The following POTEC variants were observed in gnomAD, a reference collection of about 807,000 sequenced individuals.
POTEC encodes ANKRD26-like family B member 2.
Under a neutral mutation model 62.0 loss-of-function variants are expected in POTEC, and 35 were observed. The ratio of observed to expected loss-of-function variants is 0.56; its 90% CI spans 0.43 to 0.75. The LOEUF is 0.75. POTEC is among the 30% of genes least tolerant of loss of function. The pLI, the probability that POTEC is intolerant of heterozygous loss-of-function variation, is 0.00. For missense variants in POTEC, 472 were observed against 655.9 expected (o/e 0.72, Z 3.06); for synonymous variants, 156 against 221.5 (o/e 0.70, Z 2.62).
intron 7 of POTEC, 123 bp downstream of exon 7, chr18:14,524,790 A>G (rs1910394380): frequency 2.0e-6 from 2 of 1,004,454 alleles, no homozygotes; most frequent in Non-Finnish European, 2.7e-6. Flanking sequence ...AAAAATTCTT[A>G]AAAAAAGAAT....
At position 14,543,398 on chromosome 18, in the gene POTEC, C is replaced by T. The variant is rs372429458; in HGVS notation, c.-252G>A. 3.2e-6 allele frequency: 2 copies of T among 630,242 alleles called. No homozygotes were observed. Among genetic ancestry groups the T allele is most frequent in the South Asian group, 2.0e-5 (1 of 49,066 alleles). 39.0% of individuals were successfully genotyped at this position (630,242 alleles called of 1,614,324 possible). ...CCAGGAAAGGCCAAGCCCCCCCTCC[C>T]AAGGAAACACCCAGCCCAGTCAAGG... On this transcript the variant is annotated 5_prime_UTR_variant, in exon 1 of 11. Transcript: ENST00000358970.
intron 1 of POTEC, among the ~76,000 whole-genome samples, chr18:14,541,358 T>C (rs1322814163): frequency 1.3e-5 from 2 of 152,298 alleles, no homozygotes; most frequent in East Asian, 1.9e-4. Context: ...TATATCTGCA[T>C]ATATATGCCG....
chr18:14,524,203 G>C (rs1391430309), intron 7 of POTEC, among the ~76,000 whole-genome samples: 1 of 152,090 alleles, frequency 6.6e-6, no homozygotes, highest in African/African-American at 2.4e-5. Context: ...ACTAAAATAA[G>C]GTAGAAGGTT....
chr18:14,526,951 T>C (rs940229503), intron 6 of POTEC, among the ~76,000 whole-genome samples: 2 of 152,110 alleles, frequency 1.3e-5, no homozygotes, highest in Non-Finnish European at 2.9e-5. Context: ...ACGTAGCAAA[T>C]TCTTAATAAT....
At chr18:14,530,099 A>G (rs967751825) in intron 6 of POTEC, among the ~76,000 whole-genome samples, 25 of 151,914 alleles carry the variant, frequency 1.6e-4, no homozygotes, top group African/African-American at 2.9e-4. Flanking sequence ...GATCAGTGAT[A>G]GCACTAGATA....
chr18:14,543,402 G>C lies in POTEC; in HGVS notation c.-256C>G, dbSNP rs982697787. ...GAAAGGCCAAGCCCCCCCTCCCAAG[G>C]AAACACCCAGCCCAGTCAAGGGAAT... On this transcript the variant is annotated 5_prime_UTR_variant, in exon 1 of 11. Transcript: ENST00000358970. 4.0e-5 allele frequency: 25 copies of C among 623,658 alleles called. No individual in the cohort carries two copies. Among genetic ancestry groups the C allele is most frequent in the Non-Finnish European group, 6.5e-5 (23 of 355,208 alleles). The allele number at this position is 623,658 out of a possible 1,614,324, so 38.6% of individuals were successfully genotyped here.
intron 5 of POTEC, 131 bp from the exon 6 acceptor site, chr18:14,530,684 A>G: frequency 5.5e-6 from 5 of 908,930 alleles, no homozygotes; most frequent in Non-Finnish European, 7.8e-6. Context: ...TATCCCATAC[A>G]CTTATGAGTA....
intron 3 of POTEC, among the ~76,000 whole-genome samples, chr18:14,537,055 T>G (rs1163609609): frequency 6.6e-6 from 1 of 150,876 alleles, no homozygotes. Context: ...TCCTAAAATT[T>G]ATCTCTAGGC....
chr18:14,542,881 G>T lies in POTEC; in HGVS notation c.266C>A (p.Ser89Tyr). 1 of 1,301,466 alleles carries T rather than the reference G, an allele frequency of 7.7e-7. No homozygotes were observed. The allele number at this position is 1,301,466 out of a possible 1,614,324, so 80.6% of individuals were successfully genotyped here. The change falls in exon 1 of 11, where the codon TCC (serine) becomes TAC (tyrosine). Residue 89 changes from serine (S) to tyrosine (Y), a missense_variant. Ser to Tyr is a moderately radical substitution (Grantham distance 144). This residue lies in a region of POTEC where 257 missense variants were observed against 250.7 expected (regional missense o/e 1.03). Transcript: ENST00000358970. Reference sequence around the variant, plus strand: ...CTTGCTCCTGAGCGTCTTCATAAAGGAGTTGTCATGGTCTCCAGAAGTGCC... The same window carrying T: ...CTTGCTCCTGAGCGTCTTCATAAAGTAGTTGTCATGGTCTCCAGAAGTGCC... ...NVGTSGDHDN[S>Y]FMKTLRSKMG...
At position 14,507,608 on chromosome 18, in the gene POTEC, G is replaced by C. The variant is rs1304463595; in HGVS notation, c.*4290C>G. 6.6e-6 allele frequency: 1 copy of C among 152,096 alleles called. No individual in the cohort carries two copies. The highest frequency in any genetic ancestry group is 2.4e-5 in the African/African-American group (1 of 41,388). 9.4% of individuals were successfully genotyped at this position (152,096 alleles called of 1,614,324 possible). A position where few individuals can be genotyped will look rare whatever the true frequency, so the allele number is the denominator to read the frequency against. On this transcript the variant is annotated 3_prime_UTR_variant, in exon 11 of 11. Coordinates refer to ENST00000358970, the MANE Select transcript of POTEC (RefSeq NM_001137671.2). ...GGTTAGTAATGGTATGTGTGGATTT[G>C]ATCCTGTCATCATGCTGTCAGCTGG...
Position 14,513,570 on chromosome 18 carries a change from T to G in POTEC, c.1533+92A>C, listed in dbSNP as rs1362630406. ...ACACACACACACACGTGTGTATATA[T>G]GTGATTTAAAAATCCTTTATACCTT... is the stretch of plus-strand genomic sequence containing the variant. On this transcript the variant is annotated intron_variant, in intron 10 of 10. Transcript: ENST00000358970. 4.7e-6 allele frequency: 7 copies of G among 1,504,466 alleles called. No homozygotes were observed. In the South Asian group the frequency reaches 9.1e-5, roughly 20 times the overall value. 93.2% of individuals were successfully genotyped at this position (1,504,466 alleles called of 1,614,324 possible).
intron 9 of POTEC, among the ~76,000 whole-genome samples, chr18:14,520,715 C>T (rs2143124399): frequency 6.6e-6 from 1 of 151,702 alleles, no homozygotes; most frequent in Admixed American, 6.6e-5. Flanking sequence ...TTTTAGCACA[C>T]GGGTCAGCAA....
chr18:14,513,642 A>T lies in POTEC; in HGVS notation c.1533+20T>A. On this transcript the variant is annotated intron_variant, in intron 10 of 10. Transcript: ENST00000358970. ...ATATATACACATATGAAAACATTTG[A>T]AAATGACTAAAGAAAATACCTCAGA... 1 of 1,610,004 alleles carries T rather than the reference A, an allele frequency of 6.2e-7. No homozygotes were observed. The highest frequency in any genetic ancestry group is 8.5e-7 in the Non-Finnish European group (1 of 1,179,396).
intron 6 of POTEC, among the ~76,000 whole-genome samples, chr18:14,527,392 G>C (rs961830092): frequency 6.6e-6 from 1 of 152,082 alleles, no homozygotes; most frequent in African/African-American, 2.4e-5. Context: ...TTAGAAGTCA[G>C]AACTATGACA....
At chr18:14,535,832 CTTAT>C (rs1905694090) in intron 3 of POTEC, among the ~76,000 whole-genome samples, 1 of 151,924 alleles carries the variant, frequency 6.6e-6, no homozygotes, top group South Asian at 2.1e-4. Flanking sequence ...CCATCCTCTA[CTTAT>C]TGGAAGACTA....
chr18:14,517,183 A>C (rs1910189073), intron 9 of POTEC, among the ~76,000 whole-genome samples: 1 of 151,872 alleles, frequency 6.6e-6, no homozygotes, highest in Non-Finnish European at 1.5e-5. Flanking sequence ...CTGGAATATA[A>C]AATAGTTTCA....
chr18:14,529,871 G>A (rs1905443214), intron 6 of POTEC, among the ~76,000 whole-genome samples: 1 of 152,052 alleles, frequency 6.6e-6, no homozygotes, highest in Non-Finnish European at 1.5e-5. Flanking sequence ...GCGTTCTTTT[G>A]TGATCAAAAA....
At chr18:14,528,050 C>T (rs1163660152) in intron 6 of POTEC, 2 of 152,162 alleles carry the variant, frequency 1.3e-5, no homozygotes, top group African/African-American at 4.8e-5. Context: ...CTCAGTCATG[C>T]CTGTTTGCTT....
At chr18:14,523,967 T>G (rs1910373389) in intron 7 of POTEC, among the ~76,000 whole-genome samples, 1 of 152,158 alleles carries the variant, frequency 6.6e-6, no homozygotes, top group Non-Finnish European at 1.5e-5. Context: ...AGTGCTTTTT[T>G]AAAAGATTCC....
Sources: gnomAD v4.1 joint callset for allele counts (sites outside exome capture counted in the v4.1 genomes callset) on GRCh38, gnomAD v4.1.1 for gene constraint, gnomAD v4.1.1 regional missense constraint, MANE v1.5 for transcripts, NCBI Gene and HGNC (gene_info 2026-07-23, HGNC 2026-07-21) for gene names.